The following NRXN3 variants were observed in gnomAD, a reference collection of about 807,000 sequenced individuals.
The protein encoded by NRXN3 is neurexin 3.
A neutral mutation model predicts 137.6 loss-of-function variants in NRXN3; 32 were observed. That is an observed-to-expected ratio of 0.23 (90% CI 0.18 to 0.31). The LOEUF (loss-of-function observed/expected upper bound fraction) is 0.31. NRXN3 is among the 10% of genes least tolerant of loss of function. The pLI is 1.00. For synonymous variants in NRXN3, 798 were observed against 784.5 expected, an observed-to-expected ratio of 1.02 and a Z score of -0.29; for missense variants, 1,574 against 2,062.5, an observed-to-expected ratio of 0.76 and a Z score of 4.59.
chr14:79,852,425 G>T (rs2099393772), intron 20 of NRXN3, among the ~76,000 whole-genome samples: 1 of 151,940 alleles, frequency 6.6e-6, no homozygotes, highest in African/African-American at 2.4e-5. Flanking sequence ...TTGCTGTTCT[G>T]TTTTTCTATT....
At chr14:79,341,614 A>G (rs763443034) in intron 15 of NRXN3, among the ~76,000 whole-genome samples, 1 of 152,196 alleles carries the variant, frequency 6.6e-6, no homozygotes, top group Non-Finnish European at 1.5e-5. Context: ...CTGAGCCAAG[A>G]TCTAAAACCA....
chr14:78,757,432 A>G (rs903492482), intron 8 of NRXN3, among the ~76,000 whole-genome samples: 4 of 144,958 alleles, frequency 2.8e-5, no homozygotes, highest in African/African-American at 1.1e-4. Context: ...AGGATTCTGC[A>G]TGACAAATTA....
At chr14:79,024,045 A>G (rs2099594174) in intron 15 of NRXN3, among the ~76,000 whole-genome samples, 1 of 152,118 alleles carries the variant, frequency 6.6e-6, no homozygotes, top group Admixed American at 6.6e-5. Flanking sequence ...CATCCCTTCC[A>G]TAAAGTACAA....
At chr14:78,171,087 C>T (rs1044191277) in intron 1 of NRXN3, among the ~76,000 whole-genome samples, 1 of 149,566 alleles carries the variant, frequency 6.7e-6, no homozygotes, top group Non-Finnish European at 1.5e-5. Flanking sequence ...CTCATTTATT[C>T]ATTTATTTAT....
At chr14:79,507,027 G>A (rs1230273846) in intron 16 of NRXN3, among the ~76,000 whole-genome samples, 3 of 152,142 alleles carry the variant, frequency 2.0e-5, no homozygotes, top group Non-Finnish European at 2.9e-5. Flanking sequence ...AAGGTTCAGG[G>A]CATCAAACTG....
intron 4 of NRXN3, among the ~76,000 whole-genome samples, chr14:78,637,430 C>T (rs965529821): frequency 4.6e-5 from 7 of 152,206 alleles, no homozygotes; most frequent in Non-Finnish European, 1.0e-4. Flanking sequence ...CAAACCCTTA[C>T]TACACTGGTA....
intron 4 of NRXN3, among the ~76,000 whole-genome samples, chr14:78,455,034 A>G (rs2094652506): frequency 6.6e-6 from 1 of 152,178 alleles, no homozygotes; most frequent in African/African-American, 2.4e-5. Context: ...CGAGAGTAGT[A>G]TCTTGCACTT....
At chr14:79,763,695 C>T (rs1365513888) in intron 19 of NRXN3, among the ~76,000 whole-genome samples, 1 of 151,472 alleles carries the variant, frequency 6.6e-6, no homozygotes, top group Non-Finnish European at 1.5e-5. Flanking sequence ...CCAGTTATGT[C>T]CTTACATGGT....
chr14:79,386,764 A>G (rs1389762592), intron 15 of NRXN3, among the ~76,000 whole-genome samples: 1 of 152,200 alleles, frequency 6.6e-6, no homozygotes, highest in Non-Finnish European at 1.5e-5. Context: ...ATATAGATCA[A>G]TGGAACAGAA....
chr14:79,754,755 G>T (rs2099013436), intron 19 of NRXN3, among the ~76,000 whole-genome samples: 1 of 151,628 alleles, frequency 6.6e-6, no homozygotes, highest in Admixed American at 6.6e-5. Context: ...CATCTGAATT[G>T]TAATCCCTGT....
intron 10 of NRXN3, among the ~76,000 whole-genome samples, chr14:78,814,151 G>T (rs1248807338): frequency 6.6e-6 from 1 of 152,104 alleles, no homozygotes; most frequent in African/African-American, 2.4e-5. Flanking sequence ...CAAGGTCTTT[G>T]GTTGAATCAA....
At chr14:79,638,928 A>C (rs947771239) in intron 16 of NRXN3, among the ~76,000 whole-genome samples, 5 of 152,210 alleles carry the variant, frequency 3.3e-5, no homozygotes, top group Non-Finnish European at 5.9e-5. Flanking sequence ...TGCTTGGTGC[A>C]TTAATCGAGA....
At chr14:79,667,298 T>G (rs2098565578) in intron 17 of NRXN3, among the ~76,000 whole-genome samples, 1 of 152,066 alleles carries the variant, frequency 6.6e-6, no homozygotes, top group African/African-American at 2.4e-5. Flanking sequence ...CACTACTCAC[T>G]TATTACTAAT....
chr14:78,224,399 A>G (rs1470962976), intron 1 of NRXN3, among the ~76,000 whole-genome samples: 1 of 151,936 alleles, frequency 6.6e-6, no homozygotes, highest in Non-Finnish European at 1.5e-5. Flanking sequence ...AGCATTAGGT[A>G]TATCTCCTAA....
chr14:79,849,074 T>C (rs1321441094), intron 20 of NRXN3, among the ~76,000 whole-genome samples: 1 of 152,186 alleles, frequency 6.6e-6, no homozygotes, highest in Admixed American at 6.5e-5. Context: ...CAAGAAGTCC[T>C]GTTGACTCTG....
chr14:78,539,547 T>C (rs1009306631), intron 4 of NRXN3, among the ~76,000 whole-genome samples: 1 of 152,198 alleles, frequency 6.6e-6, no homozygotes, highest in Non-Finnish European at 1.5e-5. Context: ...TTGTTGATCT[T>C]TTCAAAAAAC....
rs1197590200 is a variant in NRXN3 at position 79,706,471 on chromosome 14, G to A, written c.4014+8534G>A. 2.2e-5 allele frequency among the ~76,000 whole-genome samples: 3 copies of A among 138,416 alleles called. No individual in the cohort carries two copies. In the East Asian group the frequency reaches 6.3e-4, roughly 29 times the overall value. 90.8% of individuals were successfully genotyped at this position (138,416 alleles called of 152,430 possible). A position where few individuals can be genotyped will look rare whatever the true frequency, so the allele number is the denominator to read the frequency against. On this transcript the variant is annotated intron_variant, in intron 19 of 20. Coordinates refer to ENST00000335750, the MANE Select transcript of NRXN3 (RefSeq NM_001330195.2). Reference sequence around the variant, plus strand: ...TTGAGAAAAGGGCTTGTAGGGTGGTGCCTGCATAAACTGGCCATAAAAATA... The same window carrying A: ...TTGAGAAAAGGGCTTGTAGGGTGGTACCTGCATAAACTGGCCATAAAAATA...
At chr14:79,813,928 A>G (rs1246451116) in intron 20 of NRXN3, among the ~76,000 whole-genome samples, 2 of 152,230 alleles carry the variant, frequency 1.3e-5, no homozygotes, top group East Asian at 3.8e-4. Flanking sequence ...TTGCAGATAT[A>G]GAATATTTGT....
chr14:78,398,007 G>A lies in NRXN3; in HGVS notation c.757+100147G>A, dbSNP rs1017501944. Among the ~76,000 whole-genome samples, 21 of 150,468 alleles carry A rather than the reference G, an allele frequency of 1.4e-4. 1 individual carries two copies. The Middle Eastern group carries it at 0.01, about 74-fold the overall frequency. ...AGGTGGGCAGATCACCTGAGGTCAG[G>A]AGTTCGAGACAAGCCTGGCTAACCT... On this transcript the variant is annotated intron_variant, in intron 4 of 20. Transcript: ENST00000335750.
Sources: gnomAD v4.1 joint callset for allele counts (sites outside exome capture counted in the v4.1 genomes callset) on GRCh38, gnomAD v4.1.1 for gene constraint, MANE v1.5 for transcripts, NCBI Gene and HGNC (gene_info 2026-07-23, HGNC 2026-07-21) for gene names.